TTC16: variants seen among roughly 807,000 people sequenced by gnomAD.
TTC16 encodes tetratricopeptide repeat domain 16, also known as tetratricopeptide repeat protein 16.
TTC16 carries 66 observed loss-of-function variants against 80.4 expected under a neutral mutation model. The ratio of observed to expected loss-of-function variants is 0.82; its 90% CI spans 0.67 to 1.01. TTC16 has a LOEUF of 1.01. TTC16 is among the 50% of genes least tolerant of loss of function. The probability of loss-of-function intolerance (pLI) is 0.00; values close to 1 mark genes in which losing one functional copy is unlikely to be tolerated. For missense variants in TTC16, 1,070 were observed against 1,103.2 expected (o/e 0.97, Z 0.43); for synonymous variants, 438 against 451.3 (o/e 0.97, Z 0.37).
Position 127,724,938 on chromosome 9 carries a change from G to A in TTC16, c.1259+41G>A, listed in dbSNP as rs1843812365. 4 of 1,454,426 alleles carry A rather than the reference G, an allele frequency of 2.8e-6. No individual in the cohort carries two copies. The South Asian group carries it at 5.7e-5, about 21-fold the overall frequency. 90.1% of individuals were successfully genotyped at this position (1,454,426 alleles called of 1,614,324 possible). ...CCCCCACGGTGGGCGGGGCAGGCCC[G>A]AGGGCAGGGCGGGCAGGAGGCCAAC... On this transcript the variant is annotated intron_variant, in intron 9 of 13. Transcript: ENST00000373289.
rs1564386162 is a variant in TTC16 at position 127,724,237 on chromosome 9, GT to G, written c.992del (p.Leu331CysfsTer2). On this transcript the variant is annotated frameshift_variant, in exon 8 of 14. Transcript: ENST00000373289. LOFTEE classifies it high-confidence loss of function. Reference protein sequence around the residue: ...DMVRQAQRQLLLTYNDFAVHC... With the variant: ...DMVRQAQRQLXLTYNDFAVHC... ...TGGTGCGGCAGGCACAGCGCCAGCTGTTGCTGACCTACAACGACTTTGCCGT... is the reference window on the plus strand; with the variant it reads ...TGGTGCGGCAGGCACAGCGCCAGCTGTGCTGACCTACAACGACTTTGCCGT... 1.9e-6 allele frequency: 3 copies of G among 1,613,122 alleles called. No homozygotes were observed. Among genetic ancestry groups the G allele is most frequent in the South Asian group, 2.2e-5 (2 of 91,090 alleles).
chr9:127,726,614 C>G (rs139842836), intron 10 of TTC16, among the ~76,000 whole-genome samples: 1 of 151,964 alleles, frequency 6.6e-6, no homozygotes, highest in South Asian at 2.1e-4. Flanking sequence ...ATGGTGAAAC[C>G]CCATCTCTAC....
At chr9:127,724,678 C>G in intron 8 of TTC16, 78 bp from the exon 9 acceptor site, 2 of 1,539,316 alleles carry the variant, frequency 1.3e-6, no homozygotes, top group Non-Finnish European at 1.7e-6. Context: ...GCCCTGGCCC[C>G]CGGGCTGGAG....
chr9:127,716,245 G>A, intron 1 of TTC16, 82 bp downstream of exon 1: 19 of 1,596,780 alleles, frequency 1.2e-5, no homozygotes, highest in Non-Finnish European at 1.6e-5. Flanking sequence ...AAGGGTGAAG[G>A]CCGGGAGAGG....
intron 6 of TTC16, 97 bp downstream of exon 6, chr9:127,720,492 A>G (rs1843363797): frequency 6.6e-7 from 1 of 1,517,906 alleles, no homozygotes; most frequent in African/African-American, 1.4e-5. Flanking sequence ...CAGCCAGCCC[A>G]GAAGCCCCAT....
intron 13 of TTC16, chr9:127,729,974 C>A (rs952762364): frequency 1.7e-5 from 6 of 352,598 alleles, no homozygotes; most frequent in Admixed American, 8.6e-5. Flanking sequence ...TACATAGGGC[C>A]CTAGCCTGGA....
In TTC16 at chr9:127,720,397, T is replaced by C; in HGVS notation, c.657+2T>C. The C allele has an allele frequency of 7.4e-7, 1 of 1,347,496 alleles. No homozygotes were observed. 83.5% of individuals were successfully genotyped at this position (1,347,496 alleles called of 1,614,324 possible). On this transcript the variant is annotated splice_donor_variant, in intron 6 of 13. Coordinates refer to ENST00000373289, the MANE Select transcript of TTC16 (RefSeq NM_144965.3). LOFTEE classifies it high-confidence loss of function. ...AGACTCTACAACTTTCTCCAGAAGG[T>C]ACAGTGGGGAGGGCGGGCAGGGGCA...
chr9:127,717,903 C>T (rs559778386), intron 4 of TTC16, 131 bp downstream of exon 4: 277 of 1,200,186 alleles, frequency 2.3e-4, no homozygotes, highest in Admixed American at 5.4e-4. Context: ...CCCGCTGCCC[C>T]TCTCACCTCC....
chr9:127,726,618 T>C (rs1004384426), intron 10 of TTC16, among the ~76,000 whole-genome samples: 1 of 151,604 alleles, frequency 6.6e-6, no homozygotes, highest in Non-Finnish European at 1.5e-5. Flanking sequence ...TGAAACCCCA[T>C]CTCTACTAAA....
In TTC16 at chr9:127,726,374, T is replaced by C. The variant is rs1843957010; in HGVS notation, c.1395T>C (p.Thr465=). Residue 465 remains threonine, a synonymous_variant, in exon 10 of 14, where the codon ACT becomes ACC. Transcript: ENST00000373289. ...TTGGGGCCCGCCAGGATGTGGCCAC[T>C]GTCCTGCTCCTCAACCCCAAGCAAC... ...NIFGARQDVA[T]VLLLNPKQPK... is the part of the protein sequence containing the mutation. The C allele has an allele frequency of 1.9e-6, 3 of 1,609,300 alleles. No individual in the cohort carries two copies. The highest frequency in any genetic ancestry group is 1.7e-5 in the Admixed American group (1 of 59,586).
chr9:127,720,273 T>TGTC lies in TTC16; in HGVS notation c.536_538dup (p.Cys179_Leu180insArg). 1 of 1,613,382 alleles carries TGTC rather than the reference T, an allele frequency of 6.2e-7. No individual in the cohort carries two copies. The highest frequency in any genetic ancestry group is 8.5e-7 in the Non-Finnish European group (1 of 1,179,962). On this transcript the variant is annotated inframe_insertion, in exon 6 of 14. Transcript: ENST00000373289. The stretch of plus-strand genomic sequence containing the variant: ...TGTGCCCTCTGCCCTCAGCATGGCC[T>TGTC]GTCTCCTGGCCCTCAAGCAGCATCA...
At chr9:127,724,071 G>A in intron 7 of TTC16, 49 bp from the exon 8 acceptor site, 2 of 1,499,356 alleles carry the variant, frequency 1.3e-6, no homozygotes, top group South Asian at 1.3e-5. Flanking sequence ...CGGTGGGGGT[G>A]CACTGGCGCT....
intron 12 of TTC16, 80 bp from the exon 13 acceptor site, chr9:127,729,501 C>T: frequency 8.4e-7 from 1 of 1,197,582 alleles, no homozygotes; most frequent in Non-Finnish European, 1.2e-6. Flanking sequence ...CACCGAGGGG[C>T]CCAGGGCTGC....
chr9:127,723,813 A>C (rs961858214), intron 7 of TTC16, among the ~76,000 whole-genome samples: 1 of 152,198 alleles, frequency 6.6e-6, no homozygotes, highest in Non-Finnish European at 1.5e-5. Context: ...TAACCTATCC[A>C]AACAGTGGTG....
Position 127,724,111 on chromosome 9 carries a change from C to T in TTC16, c.873-9C>T, listed in dbSNP as rs767537265. On this transcript the variant is annotated splice_polypyrimidine_tract_variant and intron_variant, in intron 7 of 13. Transcript: ENST00000373289. ...TCCCTCCTGCCGTCTCCCACGCCCCCCCCGACAGGGGCACCATGTACCGAC... is the reference window on the plus strand; with the variant it reads ...TCCCTCCTGCCGTCTCCCACGCCCCTCCCGACAGGGGCACCATGTACCGAC... 6.3e-7 allele frequency: 1 copy of T among 1,598,900 alleles called. No homozygotes were observed. The highest frequency in any genetic ancestry group is 8.5e-7 in the Non-Finnish European group (1 of 1,171,480).
Position 127,722,073 on chromosome 9 carries a change from C to G in TTC16, c.658-1046C>G, listed in dbSNP as rs1478001227. On this transcript the variant is annotated intron_variant, in intron 6 of 13. Coordinates refer to ENST00000373289, the MANE Select transcript of TTC16 (RefSeq NM_144965.3). The surrounding 1 kb of genome is among the most constrained non-coding windows in gnomAD (Gnocchi z 4.2). ...GCTTAGCTGTGAGGCTCGCAGCAACCCTTTGGGATAGAGACACACTGTCCT... is the reference window on the plus strand; with the variant it reads ...GCTTAGCTGTGAGGCTCGCAGCAACGCTTTGGGATAGAGACACACTGTCCT... 6.6e-6 allele frequency among the ~76,000 whole-genome samples: 1 copy of G among 152,186 alleles called. No individual in the cohort carries two copies. Among genetic ancestry groups the G allele is most frequent in the Non-Finnish European group, 1.5e-5 (1 of 68,042 alleles).
rs139389560 is a variant in TTC16 at position 127,717,139 on chromosome 9, T to G, written c.191+123T>G. On this transcript the variant is annotated intron_variant, in intron 2 of 13. Transcript: ENST00000373289. ...TGAACTCAACTGTCTAATGGGGCTC[T>G]TCCACCTCAGTGGGAACGAGGCTGA... is the stretch of plus-strand genomic sequence containing the variant. 4.1e-3 allele frequency: 5,563 copies of G among 1,360,864 alleles called. 110 individuals carry two copies. Among genetic ancestry groups the G allele is most frequent in the Admixed American group, 0.032 (1,647 of 51,688 alleles). The allele number at this position is 1,360,864 out of a possible 1,614,324, so 84.3% of individuals were successfully genotyped here. A position where few individuals can be genotyped will look rare whatever the true frequency, so the allele number is the denominator to read the frequency against.
rs920965941 is a variant in TTC16 at position 127,723,115 on chromosome 9, G to C, written c.658-4G>C. ...CCCCTGATGCCACCCATGGCCTCCT[G>C]CAGCCCCACCTCTGCTACCGGGACC... On this transcript the variant is annotated splice_polypyrimidine_tract_variant and splice_region_variant and intron_variant, in intron 6 of 13. Transcript: ENST00000373289. The C allele has an allele frequency of 6.2e-7, 1 of 1,609,454 alleles. No individual in the cohort carries two copies. Among genetic ancestry groups the C allele is most frequent in the Non-Finnish European group, 8.5e-7 (1 of 1,179,504 alleles).
At chr9:127,730,317 G>A (rs1435235783) in intron 13 of TTC16, 4 of 412,718 alleles carry the variant, frequency 9.7e-6, no homozygotes, top group Non-Finnish European at 1.8e-5. Context: ...TGGAAAAGCA[G>A]GAGGGTGCCA....
Sources: allele counts gnomAD v4.1 joint callset (sites outside exome capture counted in the v4.1 genomes callset), GRCh38; gene constraint gnomAD v4.1.1; non-coding constraint Gnocchi (gnomAD v3.1); transcripts MANE v1.5; gene names NCBI Gene and HGNC (gene_info 2026-07-23, HGNC 2026-07-21).